The following TASP1 variants were observed in gnomAD, a reference collection of about 807,000 sequenced individuals.
TASP1 encodes the protein taspase 1.
Under a neutral mutation model 56.6 loss-of-function variants are expected in TASP1, and 16 were observed. The ratio of observed to expected loss-of-function variants is 0.28; its 90% confidence interval spans 0.19 to 0.43. The LOEUF is 0.43. Among genes scored for constraint, TASP1 ranks in the 20% least tolerant of loss-of-function variants. The pLI is 1.00. For missense variants in TASP1, 393 were observed against 511.6 expected (o/e 0.77, Z 2.24); for synonymous variants, 179 against 184.2 (o/e 0.97, Z 0.23).
chr20:13,632,838 AAAAC>A (rs1207901857), intron 1 of TASP1, among the ~76,000 whole-genome samples: 3 of 152,236 alleles, frequency 2.0e-5, no homozygotes, highest in Non-Finnish European at 4.4e-5. Flanking sequence ...ACAAAAGACA[AAAAC>A]AAAAAAAGGG....
chr20:13,220,295 A>T, the TASP1 span, among the ~76,000 whole-genome samples: 1 of 152,310 alleles, frequency 6.6e-6, no homozygotes, highest in Non-Finnish European at 1.5e-5. Flanking sequence ...GGTGCCACGG[A>T]CCGACACAGT....
the TASP1 span, among the ~76,000 whole-genome samples, chr20:13,202,052 A>G: frequency 2.0e-5 from 3 of 152,132 alleles, no homozygotes; most frequent in Admixed American, 1.3e-4. Context: ...CGCGCCTGGC[A>G]GATGGTAAAC....
chr20:13,446,501 C>CA (rs1373930797), intron 11 of TASP1, among the ~76,000 whole-genome samples: 12 of 152,106 alleles, frequency 7.9e-5, no homozygotes, highest in African/African-American at 2.9e-4. Context: ...ACAATAATAA[C>CA]AAAAACCCCA....
At chr20:13,348,107 C>A in the TASP1 span, among the ~76,000 whole-genome samples, 1 of 151,924 alleles carries the variant, frequency 6.6e-6, no homozygotes, top group Non-Finnish European at 1.5e-5. Flanking sequence ...TGGGAAAAGA[C>A]CAGAAAGACT....
intron 11 of TASP1, among the ~76,000 whole-genome samples, chr20:13,476,576 G>A (rs758634748): frequency 4.6e-5 from 7 of 151,692 alleles, no homozygotes; most frequent in East Asian, 1.9e-4. Flanking sequence ...TTTCTTTTCC[G>A]CTGGAATGCA....
chr20:13,422,623 C>A (rs572375321), intron 12 of TASP1, among the ~76,000 whole-genome samples: 1 of 152,286 alleles, frequency 6.6e-6, no homozygotes, highest in African/African-American at 2.4e-5. Context: ...TGAGACACTA[C>A]CATCTTCTCG....
chr20:13,235,231 G>A, the TASP1 span, among the ~76,000 whole-genome samples: 1 of 152,162 alleles, frequency 6.6e-6, no homozygotes, highest in Non-Finnish European at 1.5e-5. Flanking sequence ...ATTCTTTTGT[G>A]ACCAGCAGGT....
At chr20:13,412,068 G>A (rs2042110821) in intron 13 of TASP1, among the ~76,000 whole-genome samples, 1 of 152,100 alleles carries the variant, frequency 6.6e-6, no homozygotes, top group African/African-American at 2.4e-5. Flanking sequence ...CCATGTATTT[G>A]GTGAAAATCT....
intron 9 of TASP1, among the ~76,000 whole-genome samples, chr20:13,532,771 G>A (rs2045271172): frequency 6.6e-6 from 1 of 152,282 alleles, no homozygotes; most frequent in East Asian, 1.9e-4. Flanking sequence ...GGACTATAAT[G>A]CATCAAAGGT....
intron 12 of TASP1, among the ~76,000 whole-genome samples, chr20:13,430,503 T>A (rs2042769393): frequency 6.6e-6 from 1 of 152,164 alleles, no homozygotes; most frequent in Non-Finnish European, 1.5e-5. Flanking sequence ...GAAGTGGGCT[T>A]CCCCACAGTG....
intron 11 of TASP1, among the ~76,000 whole-genome samples, chr20:13,480,776 C>T (rs1195058332): frequency 2.0e-5 from 3 of 152,176 alleles, no homozygotes; most frequent in East Asian, 3.8e-4. Context: ...ACATCCATCA[C>T]AGGGTTCCTA....
chr20:13,340,952 G>A, the TASP1 span, among the ~76,000 whole-genome samples: 1 of 152,276 alleles, frequency 6.6e-6, no homozygotes, highest in East Asian at 1.9e-4. Flanking sequence ...AGTAGCTGGG[G>A]CTTAAATTCA....
intron 11 of TASP1, among the ~76,000 whole-genome samples, chr20:13,455,824 T>TA (rs1453956949): frequency 1.3e-5 from 2 of 152,180 alleles, no homozygotes; most frequent in African/African-American, 4.8e-5. Context: ...TATCCATTTG[T>TA]AAACCGCTGA....
intron 7 of TASP1, among the ~76,000 whole-genome samples, chr20:13,563,003 C>T (rs2046400229): frequency 7.2e-6 from 1 of 138,258 alleles, no homozygotes; most frequent in South Asian, 2.6e-4. Flanking sequence ...TATATACACA[C>T]ACATAGGTGT....
the TASP1 span, among the ~76,000 whole-genome samples, chr20:13,105,622 T>A: frequency 6.6e-6 from 1 of 152,156 alleles, no homozygotes; most frequent in Non-Finnish European, 1.5e-5. Flanking sequence ...AATTTACATA[T>A]TTTTTCCAAA....
At chr20:13,528,196 G>A (rs543954665) in intron 10 of TASP1, among the ~76,000 whole-genome samples, 13 of 141,140 alleles carry the variant, frequency 9.2e-5, no homozygotes, top group Non-Finnish European at 2.0e-4. Context: ...GCTCCAGCAT[G>A]GGGACAGAGT....
chr20:13,605,497 G>A (rs1277041894), intron 4 of TASP1, among the ~76,000 whole-genome samples: 4 of 152,064 alleles, frequency 2.6e-5, no homozygotes, highest in African/African-American at 4.8e-5. Flanking sequence ...GGGCACCACA[G>A]TAGGACCCCA....
intron 10 of TASP1, among the ~76,000 whole-genome samples, chr20:13,511,933 A>G (rs1264365828): frequency 6.6e-6 from 1 of 151,818 alleles, no homozygotes; most frequent in East Asian, 1.9e-4. Flanking sequence ...AAGGACATGA[A>G]CTCATCCTTT....
intron 4 of TASP1, among the ~76,000 whole-genome samples, chr20:13,617,769 G>T (rs1193610471): frequency 6.6e-6 from 1 of 152,178 alleles, no homozygotes; most frequent in Admixed American, 6.5e-5. Flanking sequence ...GGAGCAGGGT[G>T]TGGTTAAGCA....
Sources: allele counts gnomAD v4.1 joint callset (sites outside exome capture counted in the v4.1 genomes callset), GRCh38; gene constraint gnomAD v4.1.1; transcripts MANE v1.5; gene names NCBI Gene and HGNC (gene_info 2026-07-23, HGNC 2026-07-21).